The following NAALADL2 variants were observed in gnomAD, a reference collection of about 807,000 sequenced individuals.
NAALADL2 encodes the protein N-acetylated alpha-linked acidic dipeptidase like 2.
Under a neutral mutation model 87.2 loss-of-function variants are expected in NAALADL2, and 76 were observed. That is an observed-to-expected ratio of 0.87 (90% confidence interval 0.72 to 1.05). The LOEUF is 1.05. NAALADL2 is among the 50% of genes least tolerant of loss of function. NAALADL2 has a pLI of 0.00. For synonymous variants in NAALADL2, 354 were observed against 331.0 expected, an observed-to-expected ratio of 1.07 and a Z score of -0.75; for missense variants, 1,089 against 945.8, an observed-to-expected ratio of 1.15 and a Z score of -1.99.
At chr3:175,029,880 A>G (rs148870713) in intron 1 of NAALADL2, among the ~76,000 whole-genome samples, 73 of 152,194 alleles carry the variant, frequency 4.8e-4, no homozygotes, top group African/African-American at 1.7e-3. Flanking sequence ...GCATCATCCA[A>G]TAGGTGCTTT....
chr3:174,978,572 A>G (rs754035788), intron 1 of NAALADL2, among the ~76,000 whole-genome samples: 4 of 152,222 alleles, frequency 2.6e-5, no homozygotes, highest in Non-Finnish European at 4.4e-5. Context: ...AAATCTGTTA[A>G]TTTTGATTAA....
chr3:174,871,785 G>GCTA (rs1727853352), intron 1 of NAALADL2, among the ~76,000 whole-genome samples: 2 of 152,276 alleles, frequency 1.3e-5, no homozygotes, highest in Admixed American at 6.5e-5. Context: ...TGTAGTCCCA[G>GCTA]CTACTTGGGA....
intron 1 of NAALADL2, among the ~76,000 whole-genome samples, chr3:175,014,222 G>A (rs9863905): frequency 0.067 from 10,232 of 151,982 alleles, 316 homozygotes; most frequent in Middle Eastern, 0.16. Context: ...GTCTTTGCCC[G>A]TGATGTTGCT....
At chr3:175,648,891 T>C (rs1172454105) in intron 11 of NAALADL2, among the ~76,000 whole-genome samples, 1 of 152,260 alleles carries the variant, frequency 6.6e-6, no homozygotes, top group Non-Finnish European at 1.5e-5. Flanking sequence ...TCTCTCTTCA[T>C]ACCTTCAGTT....
intron 1 of NAALADL2, among the ~76,000 whole-genome samples, chr3:174,954,404 T>C (rs1423868929): frequency 6.6e-6 from 1 of 152,140 alleles, no homozygotes; most frequent in Admixed American, 6.6e-5. Flanking sequence ...ATACTGTGAT[T>C]GACAAAACTC....
chr3:175,614,524 T>C (rs1725081882), intron 10 of NAALADL2, among the ~76,000 whole-genome samples: 1 of 152,208 alleles, frequency 6.6e-6, no homozygotes, highest in African/African-American at 2.4e-5. Context: ...TTAGCATATA[T>C]ATTGAAAACT....
intron 2 of NAALADL2, among the ~76,000 whole-genome samples, chr3:174,712,627 C>T (rs1284093401): frequency 2.0e-5 from 3 of 151,722 alleles, no homozygotes; most frequent in Non-Finnish European, 2.9e-5. Context: ...ACTTCATGAT[C>T]CACCCGCCTC....
intron 9 of NAALADL2, among the ~76,000 whole-genome samples, chr3:175,495,540 G>A (rs963316248): frequency 6.6e-6 from 1 of 152,010 alleles, no homozygotes; most frequent in Non-Finnish European, 1.5e-5. Context: ...AATCTTTTCT[G>A]AATCATGTTT....
At chr3:175,343,655 G>GTTTTTTTTTTTTTTTTTTTGTT (rs1762806148) in intron 5 of NAALADL2, among the ~76,000 whole-genome samples, 1 of 64,726 alleles carries the variant, frequency 1.5e-5, no homozygotes, top group Non-Finnish European at 3.3e-5. Flanking sequence ...TCTTGATCAT[G>GTTTTTTTTTTTTTTTTTTTGTT]TTTTTTTTTT....
chr3:174,845,064 T>C (rs1357483293), intron 3 of NAALADL2, among the ~76,000 whole-genome samples: 1 of 152,110 alleles, frequency 6.6e-6, no homozygotes, highest in Non-Finnish European at 1.5e-5. Flanking sequence ...AATTTCTGTT[T>C]ACAGCAACTA....
chr3:174,616,905 A>T (rs895658208), intron 2 of NAALADL2, among the ~76,000 whole-genome samples: 1 of 151,850 alleles, frequency 6.6e-6, no homozygotes, highest in African/African-American at 2.4e-5. Context: ...TATAAGTTGA[A>T]TTATGTATAC....
At chr3:175,273,657 A>G (rs778800079) in intron 4 of NAALADL2, among the ~76,000 whole-genome samples, 1 of 152,110 alleles carries the variant, frequency 6.6e-6, no homozygotes, top group Non-Finnish European at 1.5e-5. Context: ...TAGAAAAAAA[A>G]TGACAATTTA....
chr3:175,462,490 A>C (rs1336407084), intron 6 of NAALADL2, among the ~76,000 whole-genome samples: 5 of 152,224 alleles, frequency 3.3e-5, no homozygotes, highest in Admixed American at 6.5e-5. Flanking sequence ...ATTTCTATCT[A>C]GCAGTAAGAA....
At chr3:175,293,857 A>C (rs1755973818) in intron 4 of NAALADL2, among the ~76,000 whole-genome samples, 1 of 152,206 alleles carries the variant, frequency 6.6e-6, no homozygotes. Flanking sequence ...TATATACCAT[A>C]AGAAACTAAA....
chr3:174,872,721 T>TAC (rs1170042489), intron 1 of NAALADL2, among the ~76,000 whole-genome samples: 50 of 145,346 alleles, frequency 3.4e-4, no homozygotes, highest in African/African-American at 3.5e-4. Flanking sequence ...TGTATTCATC[T>TAC]ACACACACAC....
intron 3 of NAALADL2, among the ~76,000 whole-genome samples, chr3:174,841,849 T>C (rs149649100): frequency 1.2e-4 from 18 of 152,194 alleles, no homozygotes; most frequent in African/African-American, 4.3e-4. Context: ...ATTCTATGCT[T>C]GCATCAGGCA....
intron 1 of NAALADL2, among the ~76,000 whole-genome samples, chr3:175,044,743 A>T (rs1365667645): frequency 1.3e-5 from 2 of 152,118 alleles, no homozygotes; most frequent in East Asian, 3.9e-4. Flanking sequence ...TGCTGGGAAG[A>T]GAATCTTAAA....
intron 1 of NAALADL2, among the ~76,000 whole-genome samples, chr3:174,971,644 TCAAA>T (rs1346851236): frequency 2.0e-5 from 3 of 150,318 alleles, no homozygotes; most frequent in Admixed American, 6.7e-5. Flanking sequence ...TGCCTTCAAC[TCAAA>T]CAGTCAGTAT....
chr3:175,770,189 G>T (rs905913646), intron 13 of NAALADL2, among the ~76,000 whole-genome samples: 2 of 152,198 alleles, frequency 1.3e-5, no homozygotes, highest in East Asian at 3.9e-4. Context: ...AGATCATGTT[G>T]GTGGGAATGC....
Sources: gnomAD v4.1 joint callset for allele counts (sites outside exome capture counted in the v4.1 genomes callset) on GRCh38, gnomAD v4.1.1 for gene constraint, MANE v1.5 for transcripts, NCBI Gene and HGNC (gene_info 2026-07-23, HGNC 2026-07-21) for gene names.